ALDH1L1: variants seen among roughly 807,000 people sequenced by gnomAD.
ALDH1L1 encodes the protein cytosolic 10-formyltetrahydrofolate dehydrogenase.
A neutral mutation model predicts 101.1 loss-of-function variants in ALDH1L1; 68 were observed. That is an observed-to-expected ratio of 0.67 (90% CI 0.55 to 0.82). The LOEUF (loss-of-function observed/expected upper bound fraction) is 0.82. Among genes scored for constraint, ALDH1L1 ranks in the 40% least tolerant of loss-of-function variants. The pLI is 0.00. For synonymous variants in ALDH1L1, 486 were observed against 470.8 expected (o/e 1.03, Z -0.42); for missense variants, 1,087 against 1,172.7 (o/e 0.93, Z 1.07).
In ALDH1L1 at chr3:126,157,427, C is replaced by A; in HGVS notation, c.444G>T (p.Leu148=). The change falls in exon 4 of 23, where the codon CTG becomes CTT. Residue 148 remains leucine, a synonymous_variant. Coordinates refer to ENST00000393434, the MANE Select transcript of ALDH1L1 (RefSeq NM_012190.4). The part of the protein sequence containing the change: ...DDGLDTGDLL[L]QKECEVLPDD... ...CCGGGAGCACCTCACACTCCTTCTG[C>A]AGCAGCAGGTCTCCGGTGTCCAGAC... is the stretch of plus-strand genomic sequence containing the variant. 3 of 1,614,176 alleles carry A rather than the reference C, an allele frequency of 1.9e-6. No individual in the cohort carries two copies. The highest frequency in any genetic ancestry group is 1.7e-6 in the Non-Finnish European group (2 of 1,180,020).
At chr3:126,176,531 A>G (rs962434037) in intron 1 of ALDH1L1, among the ~76,000 whole-genome samples, 10 of 152,216 alleles carry the variant, frequency 6.6e-5, no homozygotes, top group African/African-American at 2.4e-4. Flanking sequence ...ACTCACATCA[A>G]TACAGTCAAC....
Position 126,105,881 on chromosome 3 carries a change from C to T in ALDH1L1, c.2498G>A (p.Gly833Asp), listed in dbSNP as rs763094048. The change falls in exon 22 of 23, where the codon GGC becomes GAC. Residue 833 changes from glycine (G) to aspartate (D), a missense_variant. Physicochemically the swap from Gly to Asp is moderately conservative, Grantham distance 94 (BLOSUM62 -1). Coordinates refer to ENST00000393434, the MANE Select transcript of ALDH1L1 (RefSeq NM_012190.4). Reference protein sequence around the residue: ...VLSRANATEFGLASGVFTRDI... With the variant: ...VLSRANATEFDLASGVFTRDI... The stretch of plus-strand genomic sequence containing the variant: ...CCTGGTGAAGACACCAGAAGCCAGG[C>T]CAAATTCCGTGGCATTGGCCCGAGA... 1 of 1,614,138 alleles carries T rather than the reference C, an allele frequency of 6.2e-7. No individual in the cohort carries two copies. The highest frequency in any genetic ancestry group is 8.5e-7 in the Non-Finnish European group (1 of 1,179,992).
intron 9 of ALDH1L1, among the ~76,000 whole-genome samples, chr3:126,143,779 A>G (rs547973477): frequency 1.3e-5 from 2 of 152,146 alleles, no homozygotes; most frequent in Admixed American, 1.3e-4. Context: ...TTTGTCTGTA[A>G]AAAAAATTGT....
At chr3:126,163,570 G>T (rs2081105801) in intron 1 of ALDH1L1, among the ~76,000 whole-genome samples, 1 of 152,170 alleles carries the variant, frequency 6.6e-6, no homozygotes, top group Non-Finnish European at 1.5e-5. Flanking sequence ...GGGAATTTTG[G>T]TAGATAGACT....
chr3:126,114,734 T>C, intron 17 of ALDH1L1, 78 bp from the exon 18 acceptor site: 1 of 1,338,032 alleles, frequency 7.5e-7, no homozygotes, highest in Non-Finnish European at 1.1e-6. Context: ...GGCAGGGACC[T>C]GGGTAGGCCC....
intron 15 of ALDH1L1, among the ~76,000 whole-genome samples, chr3:126,124,826 T>C (rs999250464): frequency 6.6e-6 from 1 of 152,238 alleles, no homozygotes; most frequent in African/African-American, 2.4e-5. Flanking sequence ...ACTACCTAAT[T>C]TGTGATACAT....
intron 1 of ALDH1L1, among the ~76,000 whole-genome samples, chr3:126,187,253 C>T (rs920386963): frequency 1.3e-5 from 2 of 151,724 alleles, no homozygotes; most frequent in Non-Finnish European, 2.9e-5. Flanking sequence ...TCTGTGGTTC[C>T]TAAAAACGGG....
chr3:126,117,527 A>C (rs576952088), intron 17 of ALDH1L1, among the ~76,000 whole-genome samples: 7 of 151,240 alleles, frequency 4.6e-5, no homozygotes, highest in Non-Finnish European at 7.4e-5. Context: ...TTGGTGGTGC[A>C]TGCCTGTAGT....
rs201821974 is a variant in ALDH1L1, at chr3:126,157,541, C to T, written c.363-33G>A. The T allele has an allele frequency of 2.8e-4, 452 of 1,603,178 alleles. 1 individual carries two copies. In the African/African-American group the frequency reaches 5.4e-3, roughly 19 times the overall value. ...GCAGAAGAGTGAAACCTGGAGTCCA[C>T]GATGAAGGGCCACGGAGGATGTCCT... On this transcript the variant is annotated intron_variant, in intron 3 of 22. Coordinates refer to ENST00000393434, the MANE Select transcript of ALDH1L1 (RefSeq NM_012190.4).
chr3:126,127,973 A>G (rs1393521242), intron 14 of ALDH1L1, among the ~76,000 whole-genome samples: 1 of 152,012 alleles, frequency 6.6e-6, no homozygotes, highest in Non-Finnish European at 1.5e-5. Context: ...TGAGAGCTGG[A>G]GGACAGCTGG....
chr3:126,168,216 A>G (rs1255206122), intron 1 of ALDH1L1, among the ~76,000 whole-genome samples: 9 of 152,178 alleles, frequency 5.9e-5, no homozygotes, highest in Non-Finnish European at 1.3e-4. Context: ...CTAAACTCAA[A>G]AGAGTATTAT....
At chr3:126,145,996 A>G (rs1419043169) in intron 9 of ALDH1L1, among the ~76,000 whole-genome samples, 1 of 152,042 alleles carries the variant, frequency 6.6e-6, no homozygotes, top group Non-Finnish European at 1.5e-5. Context: ...ATTTTTTACA[A>G]AACAATTATT....
chr3:126,124,731 G>C (rs569529094), intron 15 of ALDH1L1, among the ~76,000 whole-genome samples: 8 of 152,218 alleles, frequency 5.3e-5, no homozygotes, highest in African/African-American at 1.9e-4. Context: ...GTTCCCTTCT[G>C]CACAGCATAA....
intron 1 of ALDH1L1, among the ~76,000 whole-genome samples, chr3:126,195,913 G>A (rs543054429): frequency 7.9e-5 from 12 of 152,146 alleles, no homozygotes; most frequent in Non-Finnish European, 1.6e-4. Flanking sequence ...ACCGAACAAT[G>A]AGAACACTTG....
In ALDH1L1 at chr3:126,131,383, C is replaced by T; in HGVS notation, c.1623+1G>A. ...ACACTGGGTGGGAGCCTGGGCCCCACCTGGATCTTGTCACACCAGCCAGCA... is the reference window on the plus strand; with the variant it reads ...ACACTGGGTGGGAGCCTGGGCCCCATCTGGATCTTGTCACACCAGCCAGCA... On this transcript the variant is annotated splice_donor_variant, in intron 13 of 22. Coordinates refer to ENST00000393434, the MANE Select transcript of ALDH1L1 (RefSeq NM_012190.4). LOFTEE classifies it high-confidence loss of function. The T allele has an allele frequency of 6.3e-7, 1 of 1,596,076 alleles. No homozygotes were observed. Among genetic ancestry groups the T allele is most frequent in the Non-Finnish European group, 8.6e-7 (1 of 1,165,800 alleles).
intron 14 of ALDH1L1, chr3:126,128,891 T>A (rs1209803036): frequency 6.6e-6 from 1 of 152,192 alleles, no homozygotes; most frequent in Admixed American, 6.5e-5. Context: ...GACCCAAGTG[T>A]GGCTCTGAAC....
intron 12 of ALDH1L1, among the ~76,000 whole-genome samples, chr3:126,131,833 G>A (rs1012268341): frequency 2.6e-5 from 4 of 152,240 alleles, no homozygotes; most frequent in African/African-American, 4.8e-5. Context: ...TCCTGCAGAG[G>A]CATTCACCCA....
At chr3:126,151,728 C>T (rs1047995272) in intron 7 of ALDH1L1, 1 of 152,398 alleles carries the variant, frequency 6.6e-6, no homozygotes, top group African/African-American at 2.4e-5. Context: ...GCCCCATTGC[C>T]TTTCAAAGAT....
At chr3:126,132,684 G>A (rs1331552566) in intron 12 of ALDH1L1, among the ~76,000 whole-genome samples, 2 of 152,162 alleles carry the variant, frequency 1.3e-5, no homozygotes, top group Admixed American at 1.3e-4. Flanking sequence ...CCCCAACCAT[G>A]TTCTGACTGA....
Sources: gnomAD v4.1 joint callset for allele counts (sites outside exome capture counted in the v4.1 genomes callset) on GRCh38, gnomAD v4.1.1 for gene constraint, MANE v1.5 for transcripts, NCBI Gene and HGNC (gene_info 2026-07-23, HGNC 2026-07-21) for gene names.